BORCS5: variants seen among roughly 807,000 people sequenced by gnomAD.
BORCS5 encodes BLOC-1-related complex subunit 5.
A neutral mutation model predicts 22.1 loss-of-function variants in BORCS5; 17 were observed. That is an observed-to-expected ratio of 0.77 (90% confidence interval 0.53 to 1.15). The LOEUF (loss-of-function observed/expected upper bound fraction) is 1.15. Among genes scored for constraint, BORCS5 ranks in the 50% most tolerant of loss-of-function variants. The pLI is 0.00. For missense variants in BORCS5, 247 were observed against 253.2 expected (o/e 0.98, Z 0.17); for synonymous variants, 117 against 99.8 (o/e 1.17, Z -1.03).
intron 3 of BORCS5, among the ~76,000 whole-genome samples, chr12:12,464,471 G>C (rs1197519423): frequency 6.6e-6 from 1 of 152,164 alleles, no homozygotes; most frequent in Non-Finnish European, 1.5e-5. Flanking sequence ...TTGAGCCCTT[G>C]TCCTGATGCA....
chr12:12,382,185 T>G (rs1185842377), intron 2 of BORCS5, among the ~76,000 whole-genome samples: 1 of 151,356 alleles, frequency 6.6e-6, no homozygotes, highest in East Asian at 1.9e-4. Flanking sequence ...GTATAAGAAG[T>G]GTGGCACCAG....
rs140916578 is a variant in BORCS5, at chr12:12,413,108, C to CT, written c.203-22501dup. ...TTGAGATTGGGGATTGGTGATGACT[C>CT]TTTTTTTTTTTTTTTTTTTATTGAT... On this transcript the variant is annotated intron_variant, in intron 2 of 3. Coordinates refer to ENST00000314565, the MANE Select transcript of BORCS5 (RefSeq NM_058169.6). Among the ~76,000 whole-genome samples the CT allele has an allele frequency of 7.4e-3, 153 of 20,714 alleles. 18 individuals are homozygous for CT. The highest frequency in any genetic ancestry group is 0.01 in the Non-Finnish European group (98 of 9,556). 13.6% of individuals were successfully genotyped at this position (20,714 alleles called of 152,430 possible).
At chr12:12,406,229 C>T (rs1479165426) in intron 2 of BORCS5, among the ~76,000 whole-genome samples, 2 of 152,158 alleles carry the variant, frequency 1.3e-5, no homozygotes, top group African/African-American at 2.4e-5. Flanking sequence ...AGAAATACTT[C>T]GTTTATATTT....
chr12:12,451,422 A>G (rs1358328479), intron 3 of BORCS5, among the ~76,000 whole-genome samples: 1 of 152,076 alleles, frequency 6.6e-6, no homozygotes, highest in African/African-American at 2.4e-5. Flanking sequence ...CAAAACACCA[A>G]CACTTTAGGT....
At chr12:12,453,869 A>C (rs575066742) in intron 3 of BORCS5, among the ~76,000 whole-genome samples, 154 of 152,256 alleles carry the variant, frequency 1.0e-3, no homozygotes, top group African/African-American at 3.6e-3. Flanking sequence ...GGCAACTACC[A>C]GTCTCCTTTC....
Position 12,391,630 on chromosome 12 carries a change from C to T in BORCS5, c.202+30281C>T, listed in dbSNP as rs192345483. On this transcript the variant is annotated intron_variant, in intron 2 of 3. Coordinates refer to ENST00000314565, the MANE Select transcript of BORCS5 (RefSeq NM_058169.6). ...CTCGAACTCCTGACCTCAAATGATG[C>T]GCCCGCCTTGGCCTCCGAAAGTGCT... Among the ~76,000 whole-genome samples, 18 of 151,052 alleles carry T rather than the reference C, an allele frequency of 1.2e-4. No homozygotes were observed. In the East Asian group the frequency reaches 2.2e-3, roughly 18 times the overall value.
chr12:12,427,708 C>G (rs1467402022), intron 2 of BORCS5, among the ~76,000 whole-genome samples: 1 of 152,184 alleles, frequency 6.6e-6, no homozygotes, highest in Non-Finnish European at 1.5e-5. Flanking sequence ...GTTCTGGTGG[C>G]TGGGAAATCC....
intron 2 of BORCS5, among the ~76,000 whole-genome samples, chr12:12,394,936 C>G (rs74733265): frequency 2.0e-5 from 3 of 152,074 alleles, no homozygotes; most frequent in Non-Finnish European, 2.9e-5. Context: ...ACAACTTGCT[C>G]ATCTTCCAAA....
chr12:12,381,850 A>T (rs1003542797), intron 2 of BORCS5, among the ~76,000 whole-genome samples: 1 of 151,306 alleles, frequency 6.6e-6, no homozygotes, highest in Non-Finnish European at 1.5e-5. Flanking sequence ...CTTTAGTTTT[A>T]TCAATTGAGA....
At chr12:12,438,360 C>CAAAAAAAAAAAAAAAA (rs57737663) in intron 3 of BORCS5, among the ~76,000 whole-genome samples, 4 of 23,804 alleles carry the variant, frequency 1.7e-4, no homozygotes, top group East Asian at 9.7e-4. Flanking sequence ...GATTTCATCT[C>CAAAAAAAAAAAAAAAA]AAAAAAAAAA....
intron 2 of BORCS5, among the ~76,000 whole-genome samples, chr12:12,413,797 C>T (rs1941815978): frequency 1.3e-5 from 1 of 77,768 alleles, no homozygotes; most frequent in Middle Eastern, 5.7e-3. Flanking sequence ...GCAGAGGCGC[C>T]CCTCACCTCC....
intron 2 of BORCS5, among the ~76,000 whole-genome samples, chr12:12,408,465 G>A (rs1276801958): frequency 6.6e-6 from 1 of 152,172 alleles, no homozygotes; most frequent in South Asian, 2.1e-4. Context: ...AGTACATTGA[G>A]ATTGTTGTGT....
In BORCS5 at chr12:12,382,842, CTT is replaced by C. The variant is rs549114758; in HGVS notation, c.202+21499_202+21500del. Among the ~76,000 whole-genome samples the C allele has an allele frequency of 4.6e-4, 70 of 151,042 alleles. 1 individual carries two copies. In the South Asian group the frequency reaches 0.014, roughly 31 times the overall value. On this transcript the variant is annotated intron_variant, in intron 2 of 3. Transcript: ENST00000314565. ...GCCACCGTGCCCAGTGGGTATGTAT[CTT>C]TTTTTATCTGTTTGCTTTCAACTCT...
intron 3 of BORCS5, among the ~76,000 whole-genome samples, chr12:12,457,486 G>A (rs1039734665): frequency 9.2e-5 from 14 of 152,286 alleles, no homozygotes; most frequent in African/African-American, 3.1e-4. Context: ...TGGCTAACAC[G>A]GTGAAACCCC....
intron 2 of BORCS5, among the ~76,000 whole-genome samples, chr12:12,426,594 A>T (rs1210048906): frequency 6.6e-6 from 1 of 152,246 alleles, no homozygotes; most frequent in Non-Finnish European, 1.5e-5. Context: ...AGTGCTTTTC[A>T]TTGCTTACCA....
chr12:12,364,489 G>C (rs1162082018), intron 2 of BORCS5, among the ~76,000 whole-genome samples: 1 of 152,220 alleles, frequency 6.6e-6, no homozygotes, highest in Non-Finnish European at 1.5e-5. Context: ...GGAGGAAAAG[G>C]AGGGGTTAGT....
intron 3 of BORCS5, among the ~76,000 whole-genome samples, chr12:12,440,605 G>A (rs201108611): frequency 1.9e-4 from 27 of 139,928 alleles, no homozygotes; most frequent in South Asian, 4.5e-4. Flanking sequence ...CTAGGTCTTT[G>A]AAAAAAAAAA....
intron 2 of BORCS5, among the ~76,000 whole-genome samples, chr12:12,415,296 C>G (rs1188225899): frequency 5.3e-5 from 8 of 150,480 alleles, no homozygotes; most frequent in Non-Finnish European, 8.9e-5. Flanking sequence ...TCTGCAATCC[C>G]GGCACCTCGG....
rs558797509 is a variant in BORCS5, at chr12:12,423,352, A to G, written c.203-12276A>G. On this transcript the variant is annotated intron_variant, in intron 2 of 3. Coordinates refer to ENST00000314565, the MANE Select transcript of BORCS5 (RefSeq NM_058169.6). ...ACTGAGATCTTTATTTCTTCACTCA[A>G]CTCTCTAGTGTGCTTTCATTTCAAC... Among the ~76,000 whole-genome samples, 24 of 147,228 alleles carry G rather than the reference A, an allele frequency of 1.6e-4. No individual in the cohort carries two copies. In the South Asian group the frequency reaches 3.0e-3, roughly 18 times the overall value.
Sources: gnomAD v4.1 joint callset for allele counts (sites outside exome capture counted in the v4.1 genomes callset) on GRCh38, gnomAD v4.1.1 for gene constraint, MANE v1.5 for transcripts, NCBI Gene and HGNC (gene_info 2026-07-23, HGNC 2026-07-21) for gene names.